DNAH14: variants seen among roughly 807,000 people sequenced by gnomAD.
The protein encoded by DNAH14 is axonemal beta dynein heavy chain 14.
In DNAH14, 478 loss-of-function variants were observed where a neutral mutation model predicts 520.9. The observed-to-expected ratio is 0.92, with a 90% CI of 0.85 to 0.99. The LOEUF (loss-of-function observed/expected upper bound fraction) is 0.99, where lower values mean the gene tolerates loss of function less well. DNAH14 is among the 50% of genes least tolerant of loss of function. The pLI is 0.00. For synonymous variants in DNAH14, 1,581 were observed against 1,757.2 expected, an observed-to-expected ratio of 0.90 and a Z score of 2.51; for missense variants, 4,831 against 5,234.5, an observed-to-expected ratio of 0.92 and a Z score of 2.38.
chr1:225,188,622 C>T lies in DNAH14; in HGVS notation c.5670+3197C>T, dbSNP rs115744417. 4.2e-3 allele frequency among the ~76,000 whole-genome samples: 638 copies of T among 151,956 alleles called. 4 individuals carry two copies. Among genetic ancestry groups the T allele is most frequent in the African/African-American group, 0.015 (606 of 41,520 alleles). ...TAGTAAGTTTTGAAACTGGGAAGTG[C>T]AAGTTCTCCAACTTTGTTTTTTGTT... On this transcript the variant is annotated intron_variant, in intron 37 of 85. Transcript: ENST00000682510.
chr1:225,289,222 A>G (rs1258017397), intron 54 of DNAH14, among the ~76,000 whole-genome samples: 1 of 152,204 alleles, frequency 6.6e-6, no homozygotes. Context: ...AATTTCATTT[A>G]TATGAAATGC....
intron 8 of DNAH14, among the ~76,000 whole-genome samples, chr1:224,979,439 G>C (rs1272689166): frequency 6.6e-6 from 1 of 152,184 alleles, no homozygotes; most frequent in African/African-American, 2.4e-5. Context: ...GGAGAATTTA[G>C]ACCAGTTCTA....
At chr1:225,361,421 G>A (rs1338984455) in intron 75 of DNAH14, among the ~76,000 whole-genome samples, 1 of 152,198 alleles carries the variant, frequency 6.6e-6, no homozygotes, top group East Asian at 1.9e-4. Flanking sequence ...GGAAGCATTT[G>A]AAAGTTTATT....
At chr1:225,030,775 A>G (rs551306435) in intron 11 of DNAH14, among the ~76,000 whole-genome samples, 10 of 152,182 alleles carry the variant, frequency 6.6e-5, no homozygotes, top group Non-Finnish European at 1.5e-5. Flanking sequence ...CTGCATAACT[A>G]TAATTTTATA....
chr1:225,249,310 C>T lies in DNAH14; in HGVS notation c.6749-2991C>T, dbSNP rs1012651768. Reference sequence around the variant, plus strand: ...AATAATCTTAAACAAATAGTAATCCCAGTCACTTTGGCTACTCTTTTTACC... The same window carrying T: ...AATAATCTTAAACAAATAGTAATCCTAGTCACTTTGGCTACTCTTTTTACC... On this transcript the variant is annotated intron_variant, in intron 43 of 85. Coordinates refer to ENST00000682510, the MANE Select transcript of DNAH14 (RefSeq NM_001367479.1). Among the ~76,000 whole-genome samples, 4 of 152,182 alleles carry T rather than the reference C, an allele frequency of 2.6e-5. No homozygotes were observed. The East Asian group carries it at 5.8e-4, about 22-fold the overall frequency.
At chr1:225,058,028 G>A (rs1209746501) in intron 17 of DNAH14, among the ~76,000 whole-genome samples, 1 of 152,136 alleles carries the variant, frequency 6.6e-6, no homozygotes, top group Admixed American at 6.5e-5. Flanking sequence ...TTGGTATCAG[G>A]ATGATGCTGG....
intron 71 of DNAH14, 64 bp from the exon 72 acceptor site, chr1:225,351,583 T>C (rs931855712): frequency 8.3e-7 from 1 of 1,199,824 alleles, no homozygotes; most frequent in South Asian, 1.7e-5. Context: ...ATCTACTTTG[T>C]AATGAATAAC....
intron 17 of DNAH14, among the ~76,000 whole-genome samples, chr1:225,071,900 CAT>C (rs1261967301): frequency 6.6e-6 from 1 of 152,186 alleles, no homozygotes; most frequent in Admixed American, 6.5e-5. Context: ...CTTCCCACGA[CAT>C]GTGGGGATTA....
At chr1:225,196,574 T>C (rs1034503657) in intron 38 of DNAH14, among the ~76,000 whole-genome samples, 1 of 152,198 alleles carries the variant, frequency 6.6e-6, no homozygotes, top group African/African-American at 2.4e-5. Context: ...CTACTTTAGT[T>C]CTTTAAGAAA....
intron 7 of DNAH14, among the ~76,000 whole-genome samples, chr1:224,970,890 C>A (rs1450299652): frequency 6.6e-6 from 1 of 152,082 alleles, no homozygotes; most frequent in African/African-American, 2.4e-5. Context: ...CTGTTAAGAA[C>A]CAGGCATTAT....
Position 225,399,035 on chromosome 1 carries a change from A to AT in DNAH14, c.13639-5dup, listed in dbSNP as rs77118391. The AT allele has an allele frequency of 0.05, 53,544 of 1,066,440 alleles. 2 individuals are homozygous for AT. Among genetic ancestry groups the AT allele is most frequent in the East Asian group, 0.058 (1,835 of 31,646 alleles). 66.1% of individuals were successfully genotyped at this position (1,066,440 alleles called of 1,614,324 possible). A position where few individuals can be genotyped will look rare whatever the true frequency, so the allele number is the denominator to read the frequency against. On this transcript the variant is annotated intron_variant, in intron 85 of 85. Transcript: ENST00000682510. ...TTGAACTATGCAATTTGACTACTGG[A>AT]TTTTTTTTTTTTTTAAAGATTTCTA...
rs1431448059 is a variant in DNAH14, at chr1:225,185,389, C to T, written c.5634C>T (p.Asp1878=). 2.6e-6 allele frequency: 4 copies of T among 1,539,348 alleles called. No individual in the cohort carries two copies. The highest frequency in any genetic ancestry group is 1.4e-5 in the African/African-American group (1 of 72,348). ...EKALTLLPIA[D]FLSVAERKSA... ...CATTAACGCTATTACCAATTGCAGA[C>T]TTCTTATCAGTTGCAGAAAGAAAAT... is the stretch of plus-strand genomic sequence containing the variant. The change falls in exon 37 of 86, where the codon GAC becomes GAT. Residue 1878 remains aspartate (D), a synonymous_variant. Transcript: ENST00000682510.
intron 2 of DNAH14, among the ~76,000 whole-genome samples, chr1:224,953,235 A>G (rs2125502701): frequency 6.6e-6 from 1 of 151,586 alleles, no homozygotes; most frequent in East Asian, 1.9e-4. Flanking sequence ...CGATTCTCCA[A>G]CCTCAGCCCC....
At chr1:225,288,721 G>T (rs924088297) in intron 54 of DNAH14, among the ~76,000 whole-genome samples, 1 of 151,992 alleles carries the variant, frequency 6.6e-6, no homozygotes, top group Non-Finnish European at 1.5e-5. Flanking sequence ...AAAGATGTTC[G>T]GCTTCATTAG....
In DNAH14 at chr1:224,991,452, C is replaced by G. The variant is rs557258273; in HGVS notation, c.831-11331C>G. Among the ~76,000 whole-genome samples the G allele has an allele frequency of 7.9e-5, 12 of 151,608 alleles. No homozygotes were observed. In the East Asian group the frequency reaches 2.3e-3, roughly 30 times the overall value. On this transcript the variant is annotated intron_variant, in intron 8 of 85. Coordinates refer to ENST00000682510, the MANE Select transcript of DNAH14 (RefSeq NM_001367479.1). ...TGTCTTCTTTTGAGAAATGTCTATT[C>G]AGGCCTTTGGCCCATTTTCTAATTG...
intron 8 of DNAH14, 79 bp from the exon 9 acceptor site, chr1:225,002,704 A>T (rs2063855350): frequency 1.5e-6 from 2 of 1,342,502 alleles, no homozygotes; most frequent in Middle Eastern, 2.1e-4. Flanking sequence ...GATATTAACT[A>T]AACCACACTA....
At position 225,360,738 on chromosome 1, in the gene DNAH14, A is replaced by T. The variant is rs1207002945; in HGVS notation, c.11834A>T (p.His3945Leu). ...GCACAAGAGTTAAAAGGAACAACAC[A>T]TCATGTGACCATAATTTCTCTGGGC... ...RFAQELKGTT[H>L]HVTIISLGRD... The change falls in exon 75 of 86, where the codon CAT becomes CTT. Residue 3945 changes from histidine to leucine, a missense_variant. Coordinates refer to ENST00000682510, the MANE Select transcript of DNAH14 (RefSeq NM_001367479.1). The T allele has an allele frequency of 6.4e-7, 1 of 1,551,734 alleles. No homozygotes were observed. Among genetic ancestry groups the T allele is most frequent in the Admixed American group, 2.0e-5 (1 of 51,008 alleles).
chr1:224,982,646 T>C (rs1365045474), intron 8 of DNAH14, among the ~76,000 whole-genome samples: 1 of 152,210 alleles, frequency 6.6e-6, no homozygotes, highest in African/African-American at 2.4e-5. Context: ...GGTTGTGTTA[T>C]TATCGTCATT....
At chr1:225,111,355 G>A (rs1233010608) in intron 23 of DNAH14, among the ~76,000 whole-genome samples, 4 of 151,886 alleles carry the variant, frequency 2.6e-5, no homozygotes, top group Non-Finnish European at 4.4e-5. Context: ...TTATCCTCTT[G>A]CTGAATTGAC....
Sources: allele counts gnomAD v4.1 joint callset (sites outside exome capture counted in the v4.1 genomes callset), GRCh38; gene constraint gnomAD v4.1.1; transcripts MANE v1.5; gene names NCBI Gene and HGNC (gene_info 2026-07-23, HGNC 2026-07-21).